The following UTRN variants were observed in gnomAD, a reference collection of about 807,000 sequenced individuals.
The protein encoded by UTRN is utrophin, also known as dystrophin-related protein 1.
In UTRN, 283 loss-of-function variants were observed where a neutral mutation model predicts 463.9. The observed-to-expected ratio is 0.61, with a 90% confidence interval of 0.55 to 0.67. The LOEUF is 0.67. Among genes scored for constraint, UTRN ranks in the 30% least tolerant of loss-of-function variants. UTRN has a pLI of 0.00. For missense variants in UTRN, 3,922 were observed against 4,084.3 expected (o/e 0.96, Z 1.08); for synonymous variants, 1,442 against 1,431.5 (o/e 1.01, Z -0.17).
intron 57 of UTRN, among the ~76,000 whole-genome samples, chr6:144,755,698 A>T (rs1791918698): frequency 6.6e-6 from 1 of 152,130 alleles, no homozygotes; most frequent in African/African-American, 2.4e-5. Flanking sequence ...AATTTGTTTC[A>T]TTTAATTCAA....
At chr6:144,773,214 G>T (rs142722867) in intron 59 of UTRN, among the ~76,000 whole-genome samples, 1 of 152,204 alleles carries the variant, frequency 6.6e-6, no homozygotes, top group African/African-American at 2.4e-5. Context: ...ATCTGCAAAA[G>T]GGCAGGAAAA....
chr6:144,629,517 C>T (rs1202375585), intron 51 of UTRN, among the ~76,000 whole-genome samples: 1 of 152,230 alleles, frequency 6.6e-6, no homozygotes, highest in Non-Finnish European at 1.5e-5. Context: ...CCTCCTTGAT[C>T]AGATCCCCCT....
chr6:144,500,131 T>G (rs1794044357), intron 34 of UTRN, among the ~76,000 whole-genome samples: 1 of 152,202 alleles, frequency 6.6e-6, no homozygotes, highest in South Asian at 2.1e-4. Flanking sequence ...ATATACCCAG[T>G]AATCAGATTT....
intron 39 of UTRN, 65 bp downstream of exon 39, chr6:144,517,013 G>A: frequency 4.5e-6 from 6 of 1,325,872 alleles, no homozygotes; most frequent in Non-Finnish European, 3.9e-6. Context: ...ATTCAGATGT[G>A]TGATGCTGCA....
chr6:144,654,820 A>G (rs1028775654), intron 51 of UTRN, among the ~76,000 whole-genome samples: 5 of 152,190 alleles, frequency 3.3e-5, no homozygotes, highest in Admixed American at 1.3e-4. Flanking sequence ...CTGAATTGTT[A>G]AATATTTAGA....
intron 24 of UTRN, 150 bp from the exon 25 acceptor site, chr6:144,474,454 C>T (rs562485112): frequency 9.4e-5 from 78 of 828,836 alleles, no homozygotes; most frequent in East Asian, 1.9e-4. Context: ...AAATGAGTTT[C>T]TTAAGGCACA....
intron 51 of UTRN, among the ~76,000 whole-genome samples, chr6:144,617,170 C>T (rs1806212614): frequency 6.6e-6 from 1 of 152,140 alleles, no homozygotes; most frequent in South Asian, 2.1e-4. Flanking sequence ...CATCTGTCTG[C>T]ACATTGTGAG....
At chr6:144,635,514 C>CTTTTTTTTTTTTTT (rs1402815648) in intron 51 of UTRN, among the ~76,000 whole-genome samples, 8 of 80,028 alleles carry the variant, frequency 1.0e-4, no homozygotes, top group Non-Finnish European at 1.1e-4. Flanking sequence ...CTTTTTTTTT[C>CTTTTTTTTTTTTTT]TTTTTTTTTT....
At chr6:144,406,903 C>T (rs552011215) in intron 3 of UTRN, among the ~76,000 whole-genome samples, 2 of 152,238 alleles carry the variant, frequency 1.3e-5, no homozygotes, top group East Asian at 1.9e-4. Flanking sequence ...ACTTTCCTCT[C>T]GCTCCCTCAT....
At chr6:144,522,336 T>C (rs566593994) in intron 40 of UTRN, among the ~76,000 whole-genome samples, 165 bp downstream of exon 40, 23 of 152,312 alleles carry the variant, frequency 1.5e-4, no homozygotes, top group Non-Finnish European at 3.1e-4. Context: ...AAAGAAAATA[T>C]ATTAAATTTT....
intron 51 of UTRN, among the ~76,000 whole-genome samples, chr6:144,667,146 C>CA (rs1160698348): frequency 6.6e-6 from 1 of 152,116 alleles, no homozygotes; most frequent in Non-Finnish European, 1.5e-5. Context: ...CCTTTGCCTC[C>CA]AGGGCTCAAG....
At chr6:144,560,379 G>T (rs1052140852) in intron 50 of UTRN, among the ~76,000 whole-genome samples, 2 of 152,016 alleles carry the variant, frequency 1.3e-5, no homozygotes, top group Admixed American at 1.3e-4. Context: ...TCTTATCTGT[G>T]TTGAGTTTAG....
intron 51 of UTRN, among the ~76,000 whole-genome samples, chr6:144,649,621 G>T (rs1013087396): frequency 6.6e-6 from 1 of 152,148 alleles, no homozygotes; most frequent in Non-Finnish European, 1.5e-5. Context: ...ACAGTATAAA[G>T]AATGTTTGAA....
chr6:144,453,862 G>T lies in UTRN; in HGVS notation c.2277G>T (p.Met759Ile). 1 of 1,612,856 alleles carries T rather than the reference G, an allele frequency of 6.2e-7. No homozygotes were observed. Among genetic ancestry groups the T allele is most frequent in the Non-Finnish European group, 8.5e-7 (1 of 1,179,250 alleles). Residue 759 changes from methionine (M) to isoleucine (I), a missense_variant, in exon 19 of 75, where the codon ATG becomes ATT. Physicochemically the swap from Met to Ile is conservative, Grantham distance 10. Around this residue, in one of 3 missense-constraint regions of UTRN, gnomAD observed 2,349 missense variants for 2,303.8 expected, o/e 1.02. Transcript: ENST00000367545. Reference protein sequence around the residue: ...NQTGQILVEQMGKEGLPTEEI... With the variant: ...NQTGQILVEQIGKEGLPTEEI... ...CTGGACAAATCCTTGTGGAGCAAAT[G>T]GGAAAAGGTAAGATCCTTGATTTTT...
chr6:144,382,342 C>T (rs143834020), intron 2 of UTRN, among the ~76,000 whole-genome samples: 78 of 152,290 alleles, frequency 5.1e-4, no homozygotes, highest in African/African-American at 1.7e-3. Context: ...CTTGAGAATA[C>T]AGCAGTTGGT....
chr6:144,631,579 A>G (rs569736734), intron 51 of UTRN, among the ~76,000 whole-genome samples: 4 of 152,176 alleles, frequency 2.6e-5, no homozygotes, highest in African/African-American at 9.7e-5. Flanking sequence ...TGGCGTATGT[A>G]TTGGAAAATT....
rs182094836 is a variant in UTRN at position 144,608,400 on chromosome 6, C to T, written c.7479+31112C>T. 7.6e-3 allele frequency among the ~76,000 whole-genome samples: 1,156 copies of T among 152,228 alleles called. 8 individuals carry two copies. Among genetic ancestry groups the T allele is most frequent in the Non-Finnish European group, 0.013 (856 of 68,002 alleles). Reference sequence around the variant, plus strand: ...AGCAAGGTGGTAGAATAGAAGTTATCGGGCCTCATTCTCTGTTCCCCTCTC... The same window carrying T: ...AGCAAGGTGGTAGAATAGAAGTTATTGGGCCTCATTCTCTGTTCCCCTCTC... On this transcript the variant is annotated intron_variant, in intron 51 of 74. Coordinates refer to ENST00000367545, the MANE Select transcript of UTRN (RefSeq NM_007124.3).
intron 11 of UTRN, among the ~76,000 whole-genome samples, chr6:144,438,494 T>A (rs570078703): frequency 1.3e-5 from 2 of 152,360 alleles, no homozygotes; most frequent in Admixed American, 1.3e-4. Flanking sequence ...GAATTCCTGA[T>A]TGAAGAAACA....
At chr6:144,417,710 A>G (rs1784472281) in intron 3 of UTRN, among the ~76,000 whole-genome samples, 3 of 152,216 alleles carry the variant, frequency 2.0e-5, no homozygotes, top group African/African-American at 7.2e-5. Context: ...GTGTCTATAA[A>G]TAAAGTTTCA....
Sources: gnomAD v4.1 joint callset for allele counts (sites outside exome capture counted in the v4.1 genomes callset) on GRCh38, gnomAD v4.1.1 for gene constraint, gnomAD v4.1.1 regional missense constraint, MANE v1.5 for transcripts, NCBI Gene and HGNC (gene_info 2026-07-23, HGNC 2026-07-21) for gene names.